The following DEPDC4 variants were observed in gnomAD, a reference collection of about 807,000 sequenced individuals.
DEPDC4 encodes DEP domain containing 4, also known as DEP domain-containing protein 4.
A neutral mutation model predicts 52.0 loss-of-function variants in DEPDC4; 52 were observed. The observed-to-expected ratio is 1.00, with a 90% confidence interval of 0.80 to 1.26. The LOEUF is 1.26. DEPDC4 is among the 50% of genes most tolerant of loss of function. The pLI, the probability that DEPDC4 is intolerant of heterozygous loss-of-function variation, is 0.00. For synonymous variants in DEPDC4, 201 were observed against 196.8 expected (o/e 1.02, Z -0.18); for missense variants, 530 against 546.9 (o/e 0.97, Z 0.31).
At chr12:100,246,798 C>T (rs1402404454) in intron 8 of DEPDC4, among the ~76,000 whole-genome samples, 4 of 151,984 alleles carry the variant, frequency 2.6e-5, no homozygotes, top group African/African-American at 7.2e-5. Flanking sequence ...ATTAGCTGGG[C>T]GTGGTGGTGC....
At chr12:100,249,053 C>T (rs2096197250) in intron 7 of DEPDC4, 75 bp from the exon 8 acceptor site, 1 of 573,202 alleles carries the variant, frequency 1.7e-6, no homozygotes, top group East Asian at 1.4e-4. Context: ...GAAAGAAAAA[C>T]ATCTCAATAT....
chr12:100,252,350 A>C (rs1311014233), intron 6 of DEPDC4, 44 bp downstream of exon 6: 2 of 1,492,232 alleles, frequency 1.3e-6, no homozygotes, highest in Middle Eastern at 1.7e-4. Flanking sequence ...TAGAGGAAAA[A>C]AATAGCAAAA....
downstream of DEPDC4, chr12:100,238,057 C>T (rs980211611): frequency 2.8e-5 from 28 of 983,846 alleles, no homozygotes; most frequent in East Asian, 3.4e-4. Context: ...AATATTTTCC[C>T]GGTATCTCTT....
chr12:100,260,724 A>T (rs1037762290), intron 3 of DEPDC4, among the ~76,000 whole-genome samples: 16 of 150,434 alleles, frequency 1.1e-4, no homozygotes, highest in African/African-American at 2.4e-4. Context: ...AATAATACAA[A>T]AAATAAATAA....
chr12:100,267,237 T>G (rs887163801), upstream of DEPDC4: 1 of 733,982 alleles, frequency 1.4e-6, no homozygotes. Flanking sequence ...CCCCTTTCCT[T>G]CTAGCTCCGA....
intron 7 of DEPDC4, among the ~76,000 whole-genome samples, chr12:100,250,356 C>T (rs1285879820): frequency 1.3e-5 from 2 of 152,152 alleles, no homozygotes; most frequent in Non-Finnish European, 2.9e-5. Context: ...GCTTGGATTA[C>T]AGGTGTCCAC....
rs2153927506 is a variant in DEPDC4 at position 100,266,938 on chromosome 12, A to G, written c.139T>C (p.Cys47Arg). The G allele has an allele frequency of 1.2e-6, 2 of 1,613,678 alleles. 1 individual carries two copies. The change falls in exon 1 of 10, where the codon TGC becomes CGC. Residue 47 changes from cysteine (C) to arginine (R), a missense_variant. By Grantham distance (180) the Cys-to-Arg change is radical (BLOSUM62 -3). Transcript: ENST00000550587. ...GGGCTACCTGTCCTCCTTTTCCGGC[A>G]GAAGCCATCTCTACGGTTCCTGGAA... is the stretch of plus-strand genomic sequence containing the variant. ...PSSRNRRDGF[C>R]RKRRTGCSGP...
intron 4 of DEPDC4, 61 bp downstream of exon 4, chr12:100,255,988 A>G (rs2096230838): frequency 1.6e-6 from 2 of 1,269,122 alleles, no homozygotes; most frequent in South Asian, 2.9e-5. Flanking sequence ...CTAAAATACT[A>G]AGGGCAAATA....
intron 8 of DEPDC4, among the ~76,000 whole-genome samples, chr12:100,243,964 C>T (rs761013927): frequency 1.5e-4 from 23 of 151,346 alleles, no homozygotes; most frequent in Middle Eastern, 3.4e-3. Context: ...CATTGCCTTC[C>T]TAACATATTT....
At chr12:100,280,282 A>G in the DEPDC4 span, among the ~76,000 whole-genome samples, 1 of 152,266 alleles carries the variant, frequency 6.6e-6, no homozygotes, top group Non-Finnish European at 1.5e-5. Flanking sequence ...AATAAAATGT[A>G]TAGAAAAAAT....
intron 8 of DEPDC4, among the ~76,000 whole-genome samples, chr12:100,245,831 C>G (rs1214882835): frequency 6.6e-6 from 1 of 152,142 alleles, no homozygotes; most frequent in African/African-American, 2.4e-5. Flanking sequence ...ATTTTTAATG[C>G]CTTTCCAACT....
the DEPDC4 span, among the ~76,000 whole-genome samples, chr12:100,278,419 C>T: frequency 6.6e-6 from 1 of 152,092 alleles, no homozygotes; most frequent in Non-Finnish European, 1.5e-5. Context: ...AGGCTCATCT[C>T]GAACTGCTGG....
At chr12:100,266,827 CT>C in intron 1 of DEPDC4, 92 bp downstream of exon 1, 1 of 1,485,242 alleles carries the variant, frequency 6.7e-7, no homozygotes, top group Admixed American at 2.0e-5. Context: ...GGGCGGGGCC[CT>C]GGACCAATGA....
At chr12:100,278,693 G>A in the DEPDC4 span, among the ~76,000 whole-genome samples, 1 of 147,548 alleles carries the variant, frequency 6.8e-6, no homozygotes, top group African/African-American at 2.5e-5. Context: ...GCAGTGGCGT[G>A]ATCTCGGCTT....
intron 8 of DEPDC4, among the ~76,000 whole-genome samples, chr12:100,244,858 TTTTA>T (rs1471097825): frequency 6.6e-6 from 1 of 150,794 alleles, no homozygotes; most frequent in South Asian, 2.1e-4. Context: ...CCCATGCTTA[TTTTA>T]TTTATTTATT....
At chr12:100,244,135 A>ATATATATATATATATT (rs2096174562) in intron 8 of DEPDC4, among the ~76,000 whole-genome samples, 1 of 118,018 alleles carries the variant, frequency 8.5e-6, no homozygotes, top group Non-Finnish European at 1.8e-5. Context: ...ATATATATAT[A>ATATATATATATATATT]CACAAAATAC....
At chr12:100,253,776 C>T (rs1298868085) in intron 4 of DEPDC4, 61 bp from the exon 5 acceptor site, 5 of 914,466 alleles carry the variant, frequency 5.5e-6, no homozygotes, top group Non-Finnish European at 7.4e-6. Flanking sequence ...AACTAAAGCA[C>T]TATTTGATAA....
downstream of DEPDC4, among the ~76,000 whole-genome samples, chr12:100,239,401 C>T (rs895545296): frequency 7.3e-5 from 11 of 150,346 alleles, no homozygotes; most frequent in African/African-American, 2.7e-4. Flanking sequence ...TTTGAGACAG[C>T]GTTTCACTCT....
chr12:100,236,165 A>G (rs989471167), downstream of DEPDC4, among the ~76,000 whole-genome samples: 2 of 152,262 alleles, frequency 1.3e-5, no homozygotes, highest in Admixed American at 1.3e-4. Context: ...GTGAGCAAGT[A>G]TCTTTTTGGT....
Sources: allele counts gnomAD v4.1 joint callset (sites outside exome capture counted in the v4.1 genomes callset), GRCh38; gene constraint gnomAD v4.1.1; transcripts MANE v1.5; gene names NCBI Gene and HGNC (gene_info 2026-07-23, HGNC 2026-07-21).